MYLK: variants seen among roughly 807,000 people sequenced by gnomAD.
The protein encoded by MYLK is myosin light chain kinase.
A neutral mutation model predicts 203.4 loss-of-function variants in MYLK; 106 were observed. The observed-to-expected ratio is 0.52, with a 90% confidence interval of 0.45 to 0.61. The LOEUF (loss-of-function observed/expected upper bound fraction) is 0.61, where lower values mean the gene tolerates loss of function less well. Among genes scored for constraint, MYLK ranks in the 20% least tolerant of loss-of-function variants. The pLI is 0.00. For missense variants in MYLK, 2,072 were observed against 2,442.3 expected, an observed-to-expected ratio of 0.85 and a Z score of 3.20; for synonymous variants, 867 against 959.5, an observed-to-expected ratio of 0.90 and a Z score of 1.78.
chr3:123,802,520 C>G (rs1560237288), intron 3 of MYLK, among the ~76,000 whole-genome samples: 1 of 152,252 alleles, frequency 6.6e-6, no homozygotes, highest in African/African-American at 2.4e-5. Flanking sequence ...CTCAGCAACA[C>G]AACCCTGGTG....
At chr3:123,784,345 G>A (rs2064418900) in intron 4 of MYLK, among the ~76,000 whole-genome samples, 3 of 143,946 alleles carry the variant, frequency 2.1e-5, no homozygotes, top group Admixed American at 1.4e-4. Flanking sequence ...CAAAAGGTCT[G>A]TGTGCCAAAT....
At chr3:123,875,440 C>T (rs1365192354) in intron 2 of MYLK, among the ~76,000 whole-genome samples, 1 of 152,104 alleles carries the variant, frequency 6.6e-6, no homozygotes, top group Non-Finnish European at 1.5e-5. Flanking sequence ...GAAAGCAGAT[C>T]AGTAACTGCC....
intron 3 of MYLK, among the ~76,000 whole-genome samples, chr3:123,816,977 G>A (rs2065770102): frequency 6.6e-6 from 1 of 152,210 alleles, no homozygotes. Context: ...TGTTAGCACT[G>A]AGATTTAAGT....
At chr3:123,855,016 C>T (rs1456507414) in intron 2 of MYLK, among the ~76,000 whole-genome samples, 2 of 151,916 alleles carry the variant, frequency 1.3e-5, no homozygotes, top group East Asian at 1.9e-4. Context: ...GCTCTTTTTT[C>T]TCTTTTCTGA....
chr3:123,625,379 A>C (rs1576344275), intron 31 of MYLK: 1 of 152,250 alleles, frequency 6.6e-6, no homozygotes, highest in Non-Finnish European at 1.5e-5. Flanking sequence ...ATGTCCTCTC[A>C]ATTGCTTGAA....
Position 123,614,073 on chromosome 3 carries a change from T to C in MYLK, c.*32A>G. Reference sequence around the variant, plus strand: ...TTTTAGAGAAATAGTCCTTTTAATATGACTTAGAAACTGCTTTTCTCTGGC... The same window carrying C: ...TTTTAGAGAAATAGTCCTTTTAATACGACTTAGAAACTGCTTTTCTCTGGC... On this transcript the variant is annotated 3_prime_UTR_variant, in exon 34 of 34. Transcript: ENST00000360304. 6.2e-7 allele frequency: 1 copy of C among 1,604,284 alleles called. No individual in the cohort carries two copies.
chr3:123,816,900 T>C (rs2065767654), intron 3 of MYLK, among the ~76,000 whole-genome samples: 1 of 152,098 alleles, frequency 6.6e-6, no homozygotes, highest in South Asian at 2.1e-4. Context: ...GAGGGTGCAG[T>C]AGGGTGGGAA....
rs373424654 is a variant in MYLK, at chr3:123,614,063, C to G, written c.*42G>C. The G allele has an allele frequency of 6.5e-6, 10 of 1,537,440 alleles. No individual in the cohort carries two copies. The African/African-American group carries it at 1.3e-4, about 19-fold the overall frequency. On this transcript the variant is annotated 3_prime_UTR_variant, in exon 34 of 34. Coordinates refer to ENST00000360304, the MANE Select transcript of MYLK (RefSeq NM_053025.4). Reference sequence around the variant, plus strand: ...TTTTTTTGAGTTTTAGAGAAATAGTCCTTTTAATATGACTTAGAAACTGCT... The same window carrying G: ...TTTTTTTGAGTTTTAGAGAAATAGTGCTTTTAATATGACTTAGAAACTGCT...
At chr3:123,867,212 C>G (rs2032388868) in intron 2 of MYLK, among the ~76,000 whole-genome samples, 1 of 152,004 alleles carries the variant, frequency 6.6e-6, no homozygotes, top group South Asian at 2.1e-4. Context: ...ACGGTGTAGT[C>G]TGTGATATGA....
At chr3:123,696,077 A>C (rs1297658695) in intron 18 of MYLK, among the ~76,000 whole-genome samples, 1 of 152,172 alleles carries the variant, frequency 6.6e-6, no homozygotes, top group Non-Finnish European at 1.5e-5. Flanking sequence ...ACTCTAGCCC[A>C]TGGCTGTCAA....
chr3:123,798,218 C>T (rs548880324), intron 3 of MYLK, among the ~76,000 whole-genome samples: 1 of 152,280 alleles, frequency 6.6e-6, no homozygotes, highest in East Asian at 1.9e-4. Context: ...TCTAAGGTCA[C>T]ACAGCTAAAA....
chr3:123,813,241 T>C (rs2065621753), intron 3 of MYLK, among the ~76,000 whole-genome samples: 1 of 152,232 alleles, frequency 6.6e-6, no homozygotes, highest in African/African-American at 2.4e-5. Flanking sequence ...GGCAAATTAT[T>C]TACCCTTACT....
chr3:123,614,066 T>G lies in MYLK; in HGVS notation c.*39A>C, dbSNP rs761094405. ...TTTTGAGTTTTAGAGAAATAGTCCT[T>G]TTAATATGACTTAGAAACTGCTTTT... is the stretch of plus-strand genomic sequence containing the variant. On this transcript the variant is annotated 3_prime_UTR_variant, in exon 34 of 34. Transcript: ENST00000360304. 4 of 1,607,406 alleles carry G rather than the reference T, an allele frequency of 2.5e-6. No homozygotes were observed. In the East Asian group the frequency reaches 6.7e-5, roughly 27 times the overall value.
intron 13 of MYLK, among the ~76,000 whole-genome samples, chr3:123,710,251 C>G (rs1376286553): frequency 6.6e-6 from 1 of 152,048 alleles, no homozygotes; most frequent in South Asian, 2.1e-4. Flanking sequence ...CCCCATCCCC[C>G]AGCCACCAGT....
Position 123,692,399 on chromosome 3 carries a change from C to G in MYLK, c.3565+336G>C, listed in dbSNP as rs151239156. On this transcript the variant is annotated intron_variant, in intron 19 of 33. Coordinates refer to ENST00000360304, the MANE Select transcript of MYLK (RefSeq NM_053025.4). ...TTTGTTGTGGCTTTTGTAAAATACT[C>G]TGTAGTCATTTTCCTGTGGGTGTGT... is the stretch of plus-strand genomic sequence containing the variant. 2.7e-5 allele frequency: 32 copies of G among 1,197,812 alleles called. No individual in the cohort carries two copies. The Middle Eastern group carries it at 1.5e-3, about 56-fold the overall frequency. The allele number at this position is 1,197,812 out of a possible 1,614,324, so 74.2% of individuals were successfully genotyped here.
chr3:123,629,666 A>G lies in MYLK; in HGVS notation c.4962-40T>C, dbSNP rs1393397978. 6.2e-7 allele frequency: 1 copy of G among 1,611,766 alleles called. No individual in the cohort carries two copies. On this transcript the variant is annotated intron_variant, in intron 29 of 33. Coordinates refer to ENST00000360304, the MANE Select transcript of MYLK (RefSeq NM_053025.4). This position sits in a 1 kb window ranked among gnomAD's most constrained non-coding sequence, Gnocchi z 4.4. ...GCAGGACAGCAGGTGTGGCTAGGAG[A>G]GGGCGCGACGACCAGGTGAGTGGTA...
rs756978504 is a variant in MYLK, at chr3:123,770,598, G to A, written c.166-18060C>T. On this transcript the variant is annotated intron_variant, in intron 4 of 33. Coordinates refer to ENST00000360304, the MANE Select transcript of MYLK (RefSeq NM_053025.4). ...CGTGTTAATAGGATATTGAGGAAGC[G>A]GCTCAAGGTGTGTGAGGGGGTGATG... Among the ~76,000 whole-genome samples, 31 of 152,322 alleles carry A rather than the reference G, an allele frequency of 2.0e-4. 1 individual carries two copies. Among genetic ancestry groups the A allele is most frequent in the Admixed American group, 1.6e-3 (25 of 15,300 alleles).
chr3:123,715,410 T>A (rs1306817519), intron 13 of MYLK, among the ~76,000 whole-genome samples: 1 of 152,212 alleles, frequency 6.6e-6, no homozygotes, highest in Non-Finnish European at 1.5e-5. Context: ...GGAGTTGTTG[T>A]GAGAATTAAA....
chr3:123,718,599 C>A (rs1433175517), intron 13 of MYLK, among the ~76,000 whole-genome samples: 1 of 152,208 alleles, frequency 6.6e-6, no homozygotes, highest in African/African-American at 2.4e-5. Context: ...GGGCCTTGCA[C>A]TTGCTGTGCT....
Sources: gnomAD v4.1 joint callset for allele counts (sites outside exome capture counted in the v4.1 genomes callset) on GRCh38, gnomAD v4.1.1 for gene constraint, Gnocchi (gnomAD v3.1) non-coding constraint, MANE v1.5 for transcripts, NCBI Gene and HGNC (gene_info 2026-07-23, HGNC 2026-07-21) for gene names.